Variants in ANO3 observed in about 807,000 individuals in gnomAD.
ANO3 encodes the protein anoctamin 3.
Under a neutral mutation model 144.8 loss-of-function variants are expected in ANO3, and 99 were observed. The ratio of observed to expected loss-of-function variants is 0.68; its 90% confidence interval spans 0.58 to 0.81. The LOEUF (loss-of-function observed/expected upper bound fraction) is 0.81, where lower values mean the gene tolerates loss of function less well. Ranked by LOEUF, ANO3 falls within the 30% of genes least tolerant of loss-of-function variation. ANO3 has a pLI of 0.00. For missense variants in ANO3, 905 were observed against 1,202.2 expected (o/e 0.75, Z 3.66); for synonymous variants, 414 against 392.6 (o/e 1.05, Z -0.64).
At chr11:26,578,051 C>T (rs535217400) in intron 14 of ANO3, among the ~76,000 whole-genome samples, 12 of 151,964 alleles carry the variant, frequency 7.9e-5, no homozygotes, top group Non-Finnish European at 1.2e-4. Context: ...TGAGTGAGAC[C>T]GAGTAGGAGA....
intron 1 of ANO3, among the ~76,000 whole-genome samples, chr11:26,200,231 G>T (rs905245870): frequency 6.6e-6 from 1 of 152,138 alleles, no homozygotes; most frequent in Non-Finnish European, 1.5e-5. Flanking sequence ...TAAAAATTTA[G>T]TTCATTTTAT....
chr11:26,551,588 G>C (rs186510298), intron 12 of ANO3, among the ~76,000 whole-genome samples: 39 of 152,060 alleles, frequency 2.6e-4, no homozygotes, highest in Non-Finnish European at 4.3e-4. Context: ...CTGAGCTTTT[G>C]ATTGACTCCA....
At chr11:26,276,597 T>G (rs999651) in intron 1 of ANO3, among the ~76,000 whole-genome samples, 5,261 of 152,208 alleles carry the variant, frequency 0.035, 314 homozygotes, top group African/African-American at 0.12. Flanking sequence ...TTCAGCAGAT[T>G]AGCCATGATT....
chr11:26,656,219 T>C lies in ANO3; in HGVS notation c.2657+14T>C. On this transcript the variant is annotated intron_variant, in intron 25 of 26. Coordinates refer to ENST00000256737, the MANE Select transcript of ANO3 (RefSeq NM_031418.4). ...TGGTTATTGCAGGTACTTATAATAG[T>C]TATCTTTCCTGCTTGCTTTCACCAT... 1.9e-6 allele frequency: 3 copies of C among 1,601,980 alleles called. No homozygotes were observed. Among genetic ancestry groups the C allele is most frequent in the Non-Finnish European group, 2.6e-6 (3 of 1,169,418 alleles).
chr11:26,311,195 G>A (rs574833881), intron 1 of ANO3, among the ~76,000 whole-genome samples: 2 of 152,300 alleles, frequency 1.3e-5, no homozygotes, highest in East Asian at 3.9e-4. Context: ...ATTCTTATGT[G>A]TCAGGTACTG....
chr11:26,375,971 G>A (rs1231974102), intron 1 of ANO3, among the ~76,000 whole-genome samples: 3 of 152,264 alleles, frequency 2.0e-5, no homozygotes, highest in South Asian at 2.1e-4. Flanking sequence ...GAAAAAAAGT[G>A]TGCATTCCAA....
chr11:26,452,440 C>A (rs1309778983), intron 3 of ANO3, among the ~76,000 whole-genome samples: 1 of 152,096 alleles, frequency 6.6e-6, no homozygotes, highest in Non-Finnish European at 1.5e-5. Flanking sequence ...AATGCAGAAG[C>A]CTCAGGAGCC....
At chr11:26,580,826 G>C (rs892104051) in intron 14 of ANO3, among the ~76,000 whole-genome samples, 4 of 152,118 alleles carry the variant, frequency 2.6e-5, no homozygotes, top group Admixed American at 2.6e-4. Context: ...TATCTTAGTA[G>C]AAATGTTTAT....
At chr11:26,408,258 G>T (rs1273586182) in intron 1 of ANO3, among the ~76,000 whole-genome samples, 2 of 151,482 alleles carry the variant, frequency 1.3e-5, no homozygotes, top group Non-Finnish European at 2.9e-5. Flanking sequence ...AATCTACAAT[G>T]AACTCAAACA....
At chr11:26,540,456 G>A (rs898841484) in intron 10 of ANO3, among the ~76,000 whole-genome samples, 1 of 152,046 alleles carries the variant, frequency 6.6e-6, no homozygotes, top group Non-Finnish European at 1.5e-5. Context: ...TTGACAAATG[G>A]GATCTAATTA....
intron 1 of ANO3, among the ~76,000 whole-genome samples, chr11:26,242,258 A>C (rs1334583913): frequency 6.6e-6 from 1 of 152,210 alleles, no homozygotes; most frequent in Non-Finnish European, 1.5e-5. Flanking sequence ...TATGTAATTT[A>C]CATAATGTAA....
intron 1 of ANO3, among the ~76,000 whole-genome samples, chr11:26,326,356 T>C (rs1043858796): frequency 5.9e-5 from 9 of 152,026 alleles, no homozygotes; most frequent in Admixed American, 2.0e-4. Context: ...AATGAAAAAA[T>C]AAACCTTTTC....
intron 1 of ANO3, among the ~76,000 whole-genome samples, chr11:26,358,678 C>T (rs28880946): frequency 0.026 from 4,002 of 152,076 alleles, 171 homozygotes; most frequent in African/African-American, 0.091. Flanking sequence ...GAAATGCTTT[C>T]GGCCACTAGT....
At chr11:26,456,071 A>G (rs1468315283) in intron 3 of ANO3, among the ~76,000 whole-genome samples, 5 of 151,846 alleles carry the variant, frequency 3.3e-5, no homozygotes, top group African/African-American at 1.2e-4. Context: ...ACAAAAATCA[A>G]TTCAAGATGG....
intron 1 of ANO3, among the ~76,000 whole-genome samples, chr11:26,359,805 A>G (rs1184185113): frequency 6.6e-6 from 1 of 151,942 alleles, no homozygotes; most frequent in Non-Finnish European, 1.5e-5. Flanking sequence ...CTTGCAAACC[A>G]TTACTTCAGA....
At position 26,196,080 on chromosome 11, in the gene ANO3, C is replaced by G. The variant is rs553480911; in HGVS notation, c.154+6750C>G. 2.0e-5 allele frequency among the ~76,000 whole-genome samples: 3 copies of G among 152,244 alleles called. No individual in the cohort carries two copies. In the East Asian group the frequency reaches 5.8e-4, roughly 29 times the overall value. On this transcript the variant is annotated intron_variant, in intron 1 of 27. Coordinates refer to the ANO3 transcript ENST00000672621. ...TGAGTTGCTATAAGGACAAGAGATA[C>G]ATATTGAATCTGAAAACCAAAAAAG... is the stretch of plus-strand genomic sequence containing the variant.
rs1038265151 is a variant in ANO3, at chr11:26,511,460, T to A, written c.591+3198T>A. Among the ~76,000 whole-genome samples, 3 of 152,194 alleles carry A rather than the reference T, an allele frequency of 2.0e-5. 1 individual carries two copies. The South Asian group carries it at 6.2e-4, about 32-fold the overall frequency. On this transcript the variant is annotated intron_variant, in intron 5 of 26. Transcript: ENST00000256737. ...ATACTCTTTCCACTTGATTAATACT[T>A]GCACAACTGAGAGAGTACTTCAGAG...
chr11:26,543,476 T>C (rs1590495397), intron 11 of ANO3, among the ~76,000 whole-genome samples: 1 of 151,840 alleles, frequency 6.6e-6, no homozygotes, highest in East Asian at 1.9e-4. Flanking sequence ...TTTTTAATTA[T>C]ATTTTAAGTT....
At chr11:26,454,856 A>T (rs1451320022) in intron 3 of ANO3, among the ~76,000 whole-genome samples, 2 of 151,600 alleles carry the variant, frequency 1.3e-5, no homozygotes, top group African/African-American at 2.4e-5. Context: ...CCAGCAGCAC[A>T]TCAAAAAGCT....
Sources: gnomAD v4.1 joint callset for allele counts (sites outside exome capture counted in the v4.1 genomes callset) on GRCh38, gnomAD v4.1.1 for gene constraint, MANE v1.5 for transcripts, NCBI Gene and HGNC (gene_info 2026-07-23, HGNC 2026-07-21) for gene names.